The following PLXNC1 variants were observed in gnomAD, a reference collection of about 807,000 sequenced individuals.
The protein encoded by PLXNC1 is plexin C1.
A neutral mutation model predicts 178.2 loss-of-function variants in PLXNC1; 75 were observed. That is an observed-to-expected ratio of 0.42 (90% CI 0.35 to 0.51). PLXNC1 has a LOEUF of 0.51. PLXNC1 is among the 20% of genes least tolerant of loss of function. The probability of loss-of-function intolerance (pLI) is 0.02; values close to 1 mark genes in which losing one functional copy is unlikely to be tolerated. For missense variants in PLXNC1, 1,503 were observed against 1,984.4 expected, an observed-to-expected ratio of 0.76 and a Z score of 4.61; for synonymous variants, 790 against 779.9, an observed-to-expected ratio of 1.01 and a Z score of -0.22.
chr12:94,237,884 C>G, intron 10 of PLXNC1, 81 bp downstream of exon 10: 1 of 1,397,002 alleles, frequency 7.2e-7, no homozygotes, highest in Non-Finnish European at 9.8e-7. Flanking sequence ...TGATTATAAC[C>G]TTAATATAGT....
At chr12:94,265,320 C>A in intron 21 of PLXNC1, 95 bp downstream of exon 21, 1 of 1,142,740 alleles carries the variant, frequency 8.8e-7, no homozygotes, top group Non-Finnish European at 1.3e-6. Context: ...ACGGTATCAT[C>A]TCTACTGCGG....
chr12:94,257,981 G>A (rs111858214), intron 17 of PLXNC1, among the ~76,000 whole-genome samples: 4,573 of 150,588 alleles, frequency 0.03, 226 homozygotes, highest in African/African-American at 0.11. Flanking sequence ...CCGAGATCAC[G>A]CCACTGCACT....
At chr12:94,226,195 A>G (rs187675124) in intron 7 of PLXNC1, among the ~76,000 whole-genome samples, 1 of 152,284 alleles carries the variant, frequency 6.6e-6, no homozygotes, top group East Asian at 1.9e-4. Flanking sequence ...CACATCTTCC[A>G]GGCAGTTGGC....
At chr12:94,213,009 G>A (rs1407045521) in intron 5 of PLXNC1, among the ~76,000 whole-genome samples, 8 of 152,322 alleles carry the variant, frequency 5.3e-5, no homozygotes, top group African/African-American at 1.2e-4. Context: ...GTGAGCCACC[G>A]TGCCCGGCCT....
intron 1 of PLXNC1, among the ~76,000 whole-genome samples, chr12:94,164,689 AC>A: frequency 7.3e-6 from 1 of 137,304 alleles, no homozygotes; most frequent in Admixed American, 6.9e-5. Flanking sequence ...ACACACACAC[AC>A]ACACACACAC....
intron 1 of PLXNC1, among the ~76,000 whole-genome samples, chr12:94,153,644 C>T (rs1592714651): frequency 6.6e-6 from 1 of 152,188 alleles, no homozygotes; most frequent in Non-Finnish European, 1.5e-5. Context: ...AACATGGCAG[C>T]CACCCCTCGG....
intron 23 of PLXNC1, among the ~76,000 whole-genome samples, chr12:94,284,346 A>G (rs1966683895): frequency 6.6e-6 from 1 of 152,116 alleles, no homozygotes; most frequent in South Asian, 2.1e-4. Flanking sequence ...AGTTCCTCCC[A>G]AAGTTAGTTC....
At chr12:94,190,955 C>T (rs2135974914) in intron 4 of PLXNC1, among the ~76,000 whole-genome samples, 1 of 152,312 alleles carries the variant, frequency 6.6e-6, no homozygotes, top group South Asian at 2.1e-4. Flanking sequence ...TCTTCAGTAG[C>T]CTCCCCTTAC....
intron 28 of PLXNC1, among the ~76,000 whole-genome samples, chr12:94,301,925 C>T (rs1968503730): frequency 1.3e-5 from 2 of 152,212 alleles, no homozygotes; most frequent in Non-Finnish European, 2.9e-5. Context: ...TTACTTCTGT[C>T]TCAAATGTCT....
chr12:94,249,713 C>A (rs1275915875), intron 14 of PLXNC1, among the ~76,000 whole-genome samples: 2 of 152,046 alleles, frequency 1.3e-5, no homozygotes, highest in Non-Finnish European at 2.9e-5. Context: ...ACCAGTGTTC[C>A]CACCTTTCCT....
chr12:94,265,284 G>A, intron 21 of PLXNC1, 59 bp downstream of exon 21: 3 of 1,464,688 alleles, frequency 2.0e-6, no homozygotes, highest in Non-Finnish European at 2.8e-6. Context: ...GGGAATTAGA[G>A]GGTGAGGTGG....
intron 1 of PLXNC1, among the ~76,000 whole-genome samples, chr12:94,159,784 A>G (rs1961310638): frequency 6.6e-6 from 1 of 152,230 alleles, no homozygotes; most frequent in African/African-American, 2.4e-5. Context: ...CGGAAGAAGG[A>G]AAACCTGCAG....
chr12:94,181,793 A>G (rs1459780853), intron 3 of PLXNC1, among the ~76,000 whole-genome samples: 1 of 152,172 alleles, frequency 6.6e-6, no homozygotes, highest in Non-Finnish European at 1.5e-5. Flanking sequence ...AGACAATTTT[A>G]TTATTGGCTA....
intron 13 of PLXNC1, 53 bp downstream of exon 13, chr12:94,248,159 A>G (rs1188589219): frequency 1.9e-6 from 3 of 1,597,958 alleles, no homozygotes; most frequent in Non-Finnish European, 2.6e-6. Flanking sequence ...TTGACTGGAA[A>G]GGTGTGTTTA....
intron 3 of PLXNC1, 87 bp from the exon 4 acceptor site, chr12:94,186,286 C>A (rs1212911154): frequency 2.2e-6 from 2 of 911,330 alleles, no homozygotes; most frequent in African/African-American, 3.3e-5. Context: ...TAAATAGGCT[C>A]TTTTTGGCCC....
Position 94,149,586 on chromosome 12 carries a change from C to T in PLXNC1, c.615C>T (p.Ile205=). 7 of 1,571,270 alleles carry T rather than the reference C, an allele frequency of 4.5e-6. No homozygotes were observed. Among genetic ancestry groups the T allele is most frequent in the Non-Finnish European group, 6.0e-6 (7 of 1,161,122 alleles). The part of the protein sequence containing the change: ...NPAASDHDTA[I]ALKDTEGRSL... ...CGGCATCCGACCACGACACGGCCAT[C>T]GCGCTCAAGGACACGGAGGGGCGCA... Residue 205 remains isoleucine, a synonymous_variant, in exon 1 of 31, where the codon ATC becomes ATT. Transcript: ENST00000258526.
chr12:94,216,528 T>C (rs1311465359), intron 5 of PLXNC1, among the ~76,000 whole-genome samples: 4 of 152,220 alleles, frequency 2.6e-5, no homozygotes, highest in South Asian at 2.1e-4. Flanking sequence ...CACCCAGTGT[T>C]GGTGATGCCA....
At chr12:94,201,791 CAG>C (rs1262054142) in intron 4 of PLXNC1, among the ~76,000 whole-genome samples, 2 of 97,116 alleles carry the variant, frequency 2.1e-5, no homozygotes, top group African/African-American at 4.2e-5. Context: ...TTTTTTGAGA[CAG>C]AGTCTTGCTC....
rs533847021 is a variant in PLXNC1 at position 94,175,357 on chromosome 12, C to T, written c.1203+6064C>T. Among the ~76,000 whole-genome samples, 9 of 152,242 alleles carry T rather than the reference C, an allele frequency of 5.9e-5. 1 individual carries two copies. The highest frequency in any genetic ancestry group is 2.6e-4 in the Admixed American group (4 of 15,298). On this transcript the variant is annotated intron_variant, in intron 2 of 30. Coordinates refer to ENST00000258526, the MANE Select transcript of PLXNC1 (RefSeq NM_005761.3). ...AAAATATTATAGCTTTTTGAACACCCGTGGCTTTTCCATCTCATGGTAATC... is the reference window on the plus strand; with the variant it reads ...AAAATATTATAGCTTTTTGAACACCTGTGGCTTTTCCATCTCATGGTAATC...
Sources: gnomAD v4.1 joint callset for allele counts (sites outside exome capture counted in the v4.1 genomes callset) on GRCh38, gnomAD v4.1.1 for gene constraint, MANE v1.5 for transcripts, NCBI Gene and HGNC (gene_info 2026-07-23, HGNC 2026-07-21) for gene names.